Variants in MARCHF6 observed in about 807,000 individuals in gnomAD.
The protein encoded by MARCHF6 is E3 ubiquitin-protein ligase MARCHF6.
In MARCHF6, 31 loss-of-function variants were observed where a neutral mutation model predicts 133.7. The observed-to-expected ratio is 0.23, with a 90% CI of 0.17 to 0.31. MARCHF6 has a LOEUF of 0.31. MARCHF6 is among the 10% of genes least tolerant of loss of function. MARCHF6 has a pLI of 1.00. For missense variants in MARCHF6, 723 were observed against 1,121.6 expected (o/e 0.64, Z 5.08); for synonymous variants, 395 against 402.5 (o/e 0.98, Z 0.22).
intron 4 of MARCHF6, among the ~76,000 whole-genome samples, chr5:10,386,443 A>G (rs1457119912): frequency 1.3e-5 from 2 of 152,230 alleles, no homozygotes; most frequent in African/African-American, 4.8e-5. Flanking sequence ...GTTCACCCAT[A>G]CTTTGTCTTT....
In MARCHF6 at chr5:10,436,801, T is replaced by C. The variant is rs1004680192; in HGVS notation, c.*3117T>C. 7 of 152,198 alleles carry C rather than the reference T, an allele frequency of 4.6e-5. No homozygotes were observed. The highest frequency in any genetic ancestry group is 9.6e-5 in the African/African-American group (4 of 41,458). 9.4% of individuals were successfully genotyped at this position (152,198 alleles called of 1,614,324 possible). A position where few individuals can be genotyped will look rare whatever the true frequency, so the allele number is the denominator to read the frequency against. On this transcript the variant is annotated 3_prime_UTR_variant, in exon 26 of 26. Transcript: ENST00000274140. ...AAACTTCCCATGTTTTTAGGTGACT[T>C]TTTTCCCCCTCTTAGTACTCTGGAG...
intron 1 of MARCHF6, 35 bp from the exon 2 acceptor site, chr5:10,377,763 C>A: frequency 6.9e-7 from 1 of 1,458,516 alleles, no homozygotes; most frequent in Non-Finnish European, 9.6e-7. Context: ...AAAGTTATAA[C>A]CAAAGGAAAT....
At chr5:10,432,211 T>C (rs1447816117) in intron 25 of MARCHF6, among the ~76,000 whole-genome samples, 1 of 152,234 alleles carries the variant, frequency 6.6e-6, no homozygotes, top group African/African-American at 2.4e-5. Context: ...GTTCCCACAG[T>C]GAGCCCTTAC....
chr5:10,395,244 A>T (rs1438194165), intron 9 of MARCHF6, among the ~76,000 whole-genome samples: 1 of 152,248 alleles, frequency 6.6e-6, no homozygotes, highest in Non-Finnish European at 1.5e-5. Context: ...TGCTGAAAAT[A>T]TTGAAAAAGC....
At chr5:10,400,200 C>A (rs1738440265) in intron 10 of MARCHF6, among the ~76,000 whole-genome samples, 2 of 152,196 alleles carry the variant, frequency 1.3e-5, no homozygotes, top group East Asian at 3.9e-4. Flanking sequence ...TTTAAACAGT[C>A]ATTTTTTATA....
intron 23 of MARCHF6, among the ~76,000 whole-genome samples, chr5:10,425,874 A>G (rs1167140694): frequency 1.3e-5 from 2 of 152,152 alleles, no homozygotes; most frequent in African/African-American, 2.4e-5. Flanking sequence ...CTTTTTTTAT[A>G]TTCACTATAG....
chr5:10,354,165 G>T (rs1735293173), intron 1 of MARCHF6, among the ~76,000 whole-genome samples: 1 of 151,972 alleles, frequency 6.6e-6, no homozygotes, highest in Admixed American at 6.6e-5. Flanking sequence ...CGGGGTCGGG[G>T]CCTCGGGGCT....
At chr5:10,401,011 G>GA (rs1738498474) in intron 11 of MARCHF6, 169 bp downstream of exon 11, 2 of 564,132 alleles carry the variant, frequency 3.5e-6, no homozygotes, top group Non-Finnish European at 3.1e-6. Context: ...TGGCTCAAGA[G>GA]ATAGTGGTCA....
chr5:10,417,099 T>C (rs1361582895), intron 21 of MARCHF6, among the ~76,000 whole-genome samples, 171 bp from the exon 22 acceptor site: 1 of 152,256 alleles, frequency 6.6e-6, no homozygotes, highest in Non-Finnish European at 1.5e-5. Flanking sequence ...GTGCTTTTTA[T>C]GTAAGAGACT....
At position 10,438,732 on chromosome 5, in the gene MARCHF6, AT is replaced by A. The variant is rs1461937586; in HGVS notation, c.*5050del. 1 of 152,250 alleles carries A rather than the reference AT, an allele frequency of 6.6e-6. No homozygotes were observed. The highest frequency in any genetic ancestry group is 2.4e-5 in the African/African-American group (1 of 41,466). 9.4% of individuals were successfully genotyped at this position (152,250 alleles called of 1,614,324 possible). On this transcript the variant is annotated 3_prime_UTR_variant, in exon 26 of 26. Coordinates refer to ENST00000274140, the MANE Select transcript of MARCHF6 (RefSeq NM_005885.4). Reference sequence around the variant, plus strand: ...AATGGAACAGAAGCATGAGCAAAAGATTGTATTACAGAGGTATGAATAAAAT... The same window carrying A: ...AATGGAACAGAAGCATGAGCAAAAGATGTATTACAGAGGTATGAATAAAAT...
rs151251782 is a variant in MARCHF6 at position 10,403,899 on chromosome 5, A to G, written c.1332+358A>G. On this transcript the variant is annotated intron_variant, in intron 15 of 25. Coordinates refer to ENST00000274140, the MANE Select transcript of MARCHF6 (RefSeq NM_005885.4). ...TGTGTCTCAGACTTCAAGGAACTGT[A>G]CTGCTGGAAATAACCAAAAGGATAT... Among the ~76,000 whole-genome samples, 117 of 152,298 alleles carry G rather than the reference A, an allele frequency of 7.7e-4. 1 individual carries two copies. The highest frequency in any genetic ancestry group is 2.2e-3 in the African/African-American group (92 of 41,568).
intron 11 of MARCHF6, chr5:10,401,753 G>A: frequency 2.5e-6 from 1 of 395,920 alleles, no homozygotes; most frequent in Non-Finnish European, 4.5e-6. Context: ...GCTTTAGAGT[G>A]AGAGTAGAGG....
intron 3 of MARCHF6, among the ~76,000 whole-genome samples, chr5:10,381,278 A>G (rs1423800936): frequency 1.3e-5 from 2 of 152,224 alleles, no homozygotes; most frequent in South Asian, 4.1e-4. Context: ...AATTTTAAGT[A>G]TTATGCTAAC....
chr5:10,404,487 G>A (rs1285480394), intron 15 of MARCHF6, among the ~76,000 whole-genome samples: 2 of 152,144 alleles, frequency 1.3e-5, no homozygotes, highest in Admixed American at 6.5e-5. Flanking sequence ...ATACTGAATG[G>A]TCACTGTGTG....
chr5:10,423,753 C>T lies in MARCHF6; in HGVS notation c.2302C>T (p.Leu768=), dbSNP rs765554291. 1 of 1,613,338 alleles carries T rather than the reference C, an allele frequency of 6.2e-7. No individual in the cohort carries two copies. Among genetic ancestry groups the T allele is most frequent in the Non-Finnish European group, 8.5e-7 (1 of 1,179,538 alleles). ...YPWQDWALGV[L]HAKIIAAITL... is the part of the protein sequence containing the mutation. ...TCCCTAGGACTGGGCACTTGGAGTC[C>T]TGCATGCCAAAATCATTGCAGCTAT... The change falls in exon 23 of 26, where the codon CTG becomes TTG. Residue 768 remains leucine (L), a synonymous_variant. Transcript: ENST00000274140.
At chr5:10,391,811 T>C in intron 7 of MARCHF6, 80 bp downstream of exon 7, 1 of 1,327,706 alleles carries the variant, frequency 7.5e-7, no homozygotes, top group Admixed American at 3.1e-5. Flanking sequence ...GGCTGGCGTT[T>C]TCAAATTTTT....
chr5:10,353,807 C>A lies in MARCHF6; in HGVS notation c.-92C>A. The A allele has an allele frequency of 8.2e-7, 1 of 1,226,580 alleles. No homozygotes were observed. The highest frequency in any genetic ancestry group is 1.1e-6 in the Non-Finnish European group (1 of 871,236). 76.0% of individuals were successfully genotyped at this position (1,226,580 alleles called of 1,614,324 possible). On this transcript the variant is annotated 5_prime_UTR_variant, in exon 1 of 26. Transcript: ENST00000274140. ...CTCGCACCTGAGCGTACGCACCTGC[C>A]CGGGCCCGGCTCCCTCCTCCTCTCC...
chr5:10,358,069 A>G (rs1735589378), intron 1 of MARCHF6, among the ~76,000 whole-genome samples: 1 of 150,346 alleles, frequency 6.7e-6, no homozygotes, highest in Non-Finnish European at 1.5e-5. Flanking sequence ...TAAATATAGC[A>G]GTAAAGGAAG....
intron 15 of MARCHF6, among the ~76,000 whole-genome samples, chr5:10,405,153 T>TG (rs1336783984): frequency 2.0e-5 from 3 of 152,294 alleles, no homozygotes; most frequent in African/African-American, 4.8e-5. Context: ...CCCCATCACC[T>TG]GCAGCCTCTT....
Sources: allele counts gnomAD v4.1 joint callset (sites outside exome capture counted in the v4.1 genomes callset), GRCh38; gene constraint gnomAD v4.1.1; transcripts MANE v1.5; gene names NCBI Gene and HGNC (gene_info 2026-07-23, HGNC 2026-07-21).